The following COL16A1 variants were observed in gnomAD, a reference collection of about 807,000 sequenced individuals.
COL16A1 encodes collagen type XVI alpha 1 chain.
COL16A1 carries 189 observed loss-of-function variants against 266.3 expected under a neutral mutation model. The ratio of observed to expected loss-of-function variants is 0.71; its 90% CI spans 0.63 to 0.80. The LOEUF (loss-of-function observed/expected upper bound fraction) is 0.80. Ranked by LOEUF, COL16A1 falls within the 30% of genes least tolerant of loss-of-function variation. The probability of loss-of-function intolerance (pLI) is 0.00; values close to 1 mark genes in which losing one functional copy is unlikely to be tolerated. For synonymous variants in COL16A1, 740 were observed against 782.3 expected, an observed-to-expected ratio of 0.95 and a Z score of 0.90; for missense variants, 1,928 against 2,122.4, an observed-to-expected ratio of 0.91 and a Z score of 1.80.
At chr1:31,683,829 C>T in intron 33 of COL16A1, 81 bp from the exon 34 acceptor site, 2 of 1,608,914 alleles carry the variant, frequency 1.2e-6, no homozygotes, top group Non-Finnish European at 1.7e-6. Flanking sequence ...TCTCCTCCAG[C>T]TTCTTCCTGC....
At chr1:31,661,783 C>G in intron 58 of COL16A1, 79 bp from the exon 59 acceptor site, 5 of 1,432,186 alleles carry the variant, frequency 3.5e-6, no homozygotes, top group Non-Finnish European at 4.8e-6. Context: ...CCTCCCCTCT[C>G]TCCAGCCCTC....
At chr1:31,661,779 C>T in intron 58 of COL16A1, 75 bp from the exon 59 acceptor site, 1 of 1,466,074 alleles carries the variant, frequency 6.8e-7, no homozygotes. Context: ...CTGTCCTCCC[C>T]TCTCTCCAGC....
intron 2 of COL16A1, chr1:31,701,245 T>C (rs1258778895): frequency 1.1e-6 from 1 of 931,582 alleles, no homozygotes; most frequent in East Asian, 1.2e-4. Context: ...CCCTTGGCAA[T>C]GGGCCCAGAT....
chr1:31,672,890 G>T, intron 44 of COL16A1, 50 bp from the exon 45 acceptor site: 1 of 1,572,872 alleles, frequency 6.4e-7, no homozygotes, highest in Middle Eastern at 1.7e-4. Context: ...AGATGGGCAG[G>T]ATGGGCCAAC....
chr1:31,687,446 C>T (rs1184053125), intron 26 of COL16A1, among the ~76,000 whole-genome samples: 1 of 150,028 alleles, frequency 6.7e-6, no homozygotes, highest in Non-Finnish European at 1.5e-5. Flanking sequence ...CGAAAAACTA[C>T]CAGGTGAAAA....
Position 31,667,616 on chromosome 1 carries a change from C to T in COL16A1, c.3316G>A (p.Glu1106Lys), listed in dbSNP as rs1175110562. Residue 1106 changes from glutamate (E) to lysine (K), a missense_variant, in exon 52 of 71, where the codon GAG becomes AAG. Around this residue, in one of 2 missense-constraint regions of COL16A1, gnomAD observed 1,552 missense variants for 1,637.2 expected, o/e 0.95. Transcript: ENST00000373672. Reference protein sequence around the residue: ...GPPGLPGIKGERGYTGSAGEK... With the variant: ...GPPGLPGIKGKRGYTGSAGEK... The stretch of plus-strand genomic sequence containing the variant: ...CCCGCTGACCCGGTGTAGCCACGCT[C>T]CCCCTTGATGCCCTGACAAGTGGCA... 5 of 1,605,204 alleles carry T rather than the reference C, an allele frequency of 3.1e-6. No individual in the cohort carries two copies. In the South Asian group the frequency reaches 3.4e-5, roughly 11 times the overall value.
intron 52 of COL16A1, 56 bp from the exon 53 acceptor site, chr1:31,666,137 G>T: frequency 6.4e-7 from 1 of 1,551,312 alleles, no homozygotes; most frequent in Middle Eastern, 1.7e-4. Context: ...GAAGGATGAG[G>T]TAGGGGGATG....
chr1:31,668,896 T>TC lies in COL16A1; in HGVS notation c.3196-42dup. Reference sequence around the variant, plus strand: ...CATGAGAAACTGCAGGAGCCGGCGGTCCCCACCCAGCCCCTGACTCCTTCC... The same window carrying TC: ...CATGAGAAACTGCAGGAGCCGGCGGTCCCCCACCCAGCCCCTGACTCCTTCC... On this transcript the variant is annotated intron_variant, in intron 49 of 70. Transcript: ENST00000373672. This position sits in a 1 kb window ranked among gnomAD's most constrained non-coding sequence, Gnocchi z 5.8. The TC allele has an allele frequency of 6.4e-7, 1 of 1,569,824 alleles. No individual in the cohort carries two copies. Among genetic ancestry groups the TC allele is most frequent in the Non-Finnish European group, 8.7e-7 (1 of 1,150,170 alleles).
At chr1:31,680,802 A>G in intron 39 of COL16A1, 103 bp downstream of exon 39, 5 of 1,592,926 alleles carry the variant, frequency 3.1e-6, no homozygotes, top group Non-Finnish European at 3.4e-6. Flanking sequence ...CATGGTGGGA[A>G]GGCTGGAGGG....
At chr1:31,666,608 C>G (rs569655603) in intron 52 of COL16A1, among the ~76,000 whole-genome samples, 17 of 152,168 alleles carry the variant, frequency 1.1e-4, no homozygotes, top group South Asian at 6.2e-4. Context: ...CCCCTTCCCC[C>G]CTTCCTAGGT....
chr1:31,676,334 A>AG (rs987076610), intron 42 of COL16A1, among the ~76,000 whole-genome samples: 7 of 151,782 alleles, frequency 4.6e-5, no homozygotes, highest in African/African-American at 1.5e-4. Context: ...CAAAAAAAAA[A>AG]AAAAAAAAGA....
At chr1:31,659,188 A>T (rs1641431860) in intron 62 of COL16A1, among the ~76,000 whole-genome samples, 1 of 152,152 alleles carries the variant, frequency 6.6e-6, no homozygotes, top group African/African-American at 2.4e-5. Flanking sequence ...ACCCAGGCTG[A>T]GTGGAGCATC....
chr1:31,687,861 G>C (rs1320672040), intron 26 of COL16A1, among the ~76,000 whole-genome samples: 1 of 152,164 alleles, frequency 6.6e-6, no homozygotes, highest in Non-Finnish European at 1.5e-5. Flanking sequence ...CACAGAATTT[G>C]GGTAACATTT....
At chr1:31,662,810 G>A (rs1320714343) in intron 56 of COL16A1, 152 bp from the exon 57 acceptor site, 3 of 728,676 alleles carry the variant, frequency 4.1e-6, no homozygotes, top group African/African-American at 3.6e-5. Context: ...CTGTCTAACT[G>A]CATATGTGCC....
chr1:31,654,971 C>CTTT lies in COL16A1; in HGVS notation c.4291-116_4291-114dup, dbSNP rs10586841. ...AGGTCCCAGGAGCCTCCCACAGATTCTTTTTTTTTTTTTTTTTTTTTTTTT... is the reference window on the plus strand; with the variant it reads ...AGGTCCCAGGAGCCTCCCACAGATTCTTTTTTTTTTTTTTTTTTTTTTTTTTTT... On this transcript the variant is annotated intron_variant, in intron 67 of 70. Transcript: ENST00000373672. The CTTT allele has an allele frequency of 1.8e-3, 730 of 413,974 alleles. 1 individual carries two copies. The highest frequency in any genetic ancestry group is 4.2e-3 in the South Asian group (148 of 34,932). 25.6% of individuals were successfully genotyped at this position (413,974 alleles called of 1,614,324 possible).
chr1:31,697,265 CG>C lies in COL16A1; in HGVS notation c.692del (p.Pro231ArgfsTer63). On this transcript the variant is annotated frameshift_variant, in exon 7 of 71. Transcript: ENST00000373672. LOFTEE classifies it high-confidence loss of function. The surrounding 1 kb of genome is among the most constrained non-coding windows in gnomAD (Gnocchi z 4.2). The stretch of plus-strand genomic sequence containing the variant: ...AGCAGCCCTCCTCCAGCACGAGCTC[CG>C]GGTCACAGTAGATGTGCACCTGCTG... ...DLQQVHIYCD[P>X]ELVLEEGCCE... The C allele has an allele frequency of 6.2e-7, 1 of 1,612,418 alleles. No homozygotes were observed. Among genetic ancestry groups the C allele is most frequent in the Non-Finnish European group, 8.5e-7 (1 of 1,179,280 alleles).
intron 70 of COL16A1, 50 bp downstream of exon 70, chr1:31,653,549 G>T: frequency 6.4e-7 from 1 of 1,563,488 alleles, no homozygotes; most frequent in South Asian, 1.2e-5. Context: ...AGAAAGAAAA[G>T]GGGTCTCTGC....
chr1:31,675,965 C>G (rs79906506), intron 42 of COL16A1, among the ~76,000 whole-genome samples: 1 of 152,326 alleles, frequency 6.6e-6, no homozygotes, highest in Non-Finnish European at 1.5e-5. Context: ...CCTATTTTCT[C>G]GTTTAATCAT....
chr1:31,696,919 C>T (rs1367885451), intron 8 of COL16A1, 44 bp downstream of exon 8: 1 of 1,610,916 alleles, frequency 6.2e-7, no homozygotes, highest in Non-Finnish European at 8.5e-7. Flanking sequence ...GGGTATCTCA[C>T]TTGTGCCTGC....
Sources: gnomAD v4.1 joint callset for allele counts (sites outside exome capture counted in the v4.1 genomes callset) on GRCh38, gnomAD v4.1.1 for gene constraint, gnomAD v4.1.1 regional missense constraint, Gnocchi (gnomAD v3.1) non-coding constraint, MANE v1.5 for transcripts, NCBI Gene and HGNC (gene_info 2026-07-23, HGNC 2026-07-21) for gene names.